MAP2K1: variants seen among roughly 807,000 people sequenced by gnomAD.
The protein encoded by MAP2K1 is dual specificity mitogen-activated protein kinase kinase 1.
MAP2K1 carries 16 observed loss-of-function variants against 46.3 expected under a neutral mutation model. That is an observed-to-expected ratio of 0.35 (90% CI 0.23 to 0.52). MAP2K1 has a LOEUF of 0.52. Among genes scored for constraint, MAP2K1 ranks in the 20% least tolerant of loss-of-function variants. The probability of loss-of-function intolerance (pLI) is 0.94; values close to 1 mark genes in which losing one functional copy is unlikely to be tolerated. For synonymous variants in MAP2K1, 183 were observed against 185.6 expected (o/e 0.99, Z 0.11); for missense variants, 263 against 497.1 (o/e 0.53, Z 4.48).
At position 66,428,271 on chromosome 15, in the gene MAP2K1, C is replaced by CGTGTGTGTGTGT. The variant is rs67373670; in HGVS notation, c.81-6713_81-6702dup. Among the ~76,000 whole-genome samples, 275 of 122,374 alleles carry CGTGTGTGTGTGT rather than the reference C, an allele frequency of 2.2e-3. 4 individuals are homozygous for CGTGTGTGTGTGT. The highest frequency in any genetic ancestry group is 3.6e-3 in the Non-Finnish European group (214 of 59,070). 80.3% of individuals were successfully genotyped at this position (122,374 alleles called of 152,430 possible). A position where few individuals can be genotyped will look rare whatever the true frequency, so the allele number is the denominator to read the frequency against. On this transcript the variant is annotated intron_variant, in intron 1 of 10. Transcript: ENST00000307102. ...AGAAACAGAACCAACAGCAGTTGTG[C>CGTGTGTGTGTGT]GTGTGTGTGTGTGTGTGTGTGTGTG...
chr15:66,404,300 G>A (rs1428593425), intron 1 of MAP2K1, among the ~76,000 whole-genome samples: 2 of 152,086 alleles, frequency 1.3e-5, no homozygotes, highest in Non-Finnish European at 2.9e-5. Flanking sequence ...TGCAGTGAGC[G>A]GAGATCGCGC....
At chr15:66,438,248 C>G (rs148307544) in intron 3 of MAP2K1, among the ~76,000 whole-genome samples, 2 of 151,478 alleles carry the variant, frequency 1.3e-5, no homozygotes, top group African/African-American at 4.8e-5. Flanking sequence ...CACCACGCCC[C>G]GCTAATTTTT....
At chr15:66,437,380 AT>A (rs2093491125) in intron 3 of MAP2K1, among the ~76,000 whole-genome samples, 1 of 152,218 alleles carries the variant, frequency 6.6e-6, no homozygotes, top group African/African-American at 2.4e-5. Context: ...AATTAATCAT[AT>A]GCATGTTAGC....
At chr15:66,391,610 C>T (rs765434552) in intron 1 of MAP2K1, among the ~76,000 whole-genome samples, 1 of 152,172 alleles carries the variant, frequency 6.6e-6, no homozygotes, top group Non-Finnish European at 1.5e-5. Flanking sequence ...TGTAAGTACA[C>T]CCAAAATAGT....
chr15:66,484,871 T>G (rs1893000344), intron 6 of MAP2K1, 119 bp from the exon 7 acceptor site: 1 of 891,534 alleles, frequency 1.1e-6, no homozygotes, highest in Non-Finnish European at 1.9e-6. Context: ...ATTCAAGAGG[T>G]TAGTGGAGCT....
chr15:66,485,394 C>T lies in MAP2K1; in HGVS notation c.895+203C>T, dbSNP rs560992769. 1.0e-3 allele frequency among the ~76,000 whole-genome samples: 155 copies of T among 152,306 alleles called. 1 individual carries two copies. The highest frequency in any genetic ancestry group is 6.8e-3 in the Middle Eastern group (2 of 292). ...ACAACTTCCTACCATTTGTTGAGTA[C>T]GTACTATGTTCTAGGTACTGCACTT... On this transcript the variant is annotated intron_variant, in intron 7 of 10. Transcript: ENST00000307102.
At chr15:66,399,382 A>G (rs776345643) in intron 1 of MAP2K1, among the ~76,000 whole-genome samples, 1 of 152,130 alleles carries the variant, frequency 6.6e-6, no homozygotes, top group African/African-American at 2.4e-5. Flanking sequence ...CCATCCCTAG[A>G]TTCCTTTGTG....
At chr15:66,489,997 G>A (rs1206726987) in intron 10 of MAP2K1, 6 of 600,674 alleles carry the variant, frequency 1.0e-5, no homozygotes, top group East Asian at 5.6e-5. Context: ...ATGCCTGAGG[G>A]GGCCATGGGA....
intron 1 of MAP2K1, chr15:66,401,976 G>A (rs1008200675): frequency 3.0e-6 from 4 of 1,342,862 alleles, no homozygotes; most frequent in Non-Finnish European, 3.9e-6. Flanking sequence ...GTGGTTCCAG[G>A]CTGAACATTT....
chr15:66,389,238 C>T (rs942735413), intron 1 of MAP2K1, among the ~76,000 whole-genome samples: 7 of 152,118 alleles, frequency 4.6e-5, no homozygotes, highest in South Asian at 2.1e-4. Context: ...AGTGTTTCAC[C>T]CTCTTAAAAT....
chr15:66,452,287 T>TAAAAAAAAAAAAAAAA (rs146502834), intron 5 of MAP2K1, among the ~76,000 whole-genome samples: 10 of 103,552 alleles, frequency 9.7e-5, no homozygotes, highest in Admixed American at 2.2e-4. Context: ...TAGAGTATAA[T>TAAAAAAAAAAAAAAAA]AAAAAAAAAA....
At chr15:66,404,206 A>T (rs2093390104) in intron 1 of MAP2K1, among the ~76,000 whole-genome samples, 1 of 152,222 alleles carries the variant, frequency 6.6e-6, no homozygotes, top group African/African-American at 2.4e-5. Context: ...ACCAGTAGAT[A>T]GTCAGGCATG....
At chr15:66,471,054 G>C (rs1250012559) in intron 5 of MAP2K1, among the ~76,000 whole-genome samples, 2 of 152,166 alleles carry the variant, frequency 1.3e-5, no homozygotes, top group African/African-American at 4.8e-5. Context: ...CTTTCCAAAG[G>C]AGGCAATCAG....
chr15:66,446,513 T>C, intron 5 of MAP2K1: 1 of 180,680 alleles, frequency 5.5e-6, no homozygotes, highest in Non-Finnish European at 1.2e-5. Context: ...GTAGGAAGAG[T>C]GCTTCAGAAT....
chr15:66,433,797 G>C (rs1281482557), intron 1 of MAP2K1, among the ~76,000 whole-genome samples: 1 of 152,146 alleles, frequency 6.6e-6, no homozygotes, highest in African/African-American at 2.4e-5. Context: ...TCACTGACAT[G>C]CTTCACCTCC....
chr15:66,488,994 A>G, intron 8 of MAP2K1: 1 of 607,570 alleles, frequency 1.6e-6, no homozygotes, highest in Non-Finnish European at 2.9e-6. Context: ...CCAATTCTAA[A>G]TGTGCTATTT....
intron 5 of MAP2K1, among the ~76,000 whole-genome samples, chr15:66,472,352 T>C (rs1238877268): frequency 6.6e-6 from 1 of 152,006 alleles, no homozygotes; most frequent in Non-Finnish European, 1.5e-5. Context: ...CTTGTTTCCC[T>C]TTCGATGTTG....
chr15:66,406,008 G>C (rs2093395833), intron 1 of MAP2K1, among the ~76,000 whole-genome samples: 1 of 152,158 alleles, frequency 6.6e-6, no homozygotes, highest in Non-Finnish European at 1.5e-5. Flanking sequence ...TGATTCAAAT[G>C]GCATTTATGT....
intron 1 of MAP2K1, among the ~76,000 whole-genome samples, chr15:66,393,130 G>C (rs1203512010): frequency 6.6e-6 from 1 of 151,968 alleles, no homozygotes; most frequent in African/African-American, 2.4e-5. Context: ...CTGGGTCTTA[G>C]GGTACATTGT....
Sources: allele counts gnomAD v4.1 joint callset (sites outside exome capture counted in the v4.1 genomes callset), GRCh38; gene constraint gnomAD v4.1.1; transcripts MANE v1.5; gene names NCBI Gene and HGNC (gene_info 2026-07-23, HGNC 2026-07-21).